SULF2: variants seen among roughly 807,000 people sequenced by gnomAD.
SULF2 encodes extracellular sulfatase Sulf-2.
In SULF2, 52 loss-of-function variants were observed where a neutral mutation model predicts 107.7. The observed-to-expected ratio is 0.48, with a 90% CI of 0.39 to 0.61. The LOEUF is 0.61. Ranked by LOEUF, SULF2 falls within the 20% of genes least tolerant of loss-of-function variation. The pLI is 0.00. For synonymous variants in SULF2, 460 were observed against 464.3 expected (o/e 0.99, Z 0.12); for missense variants, 993 against 1,177.3 (o/e 0.84, Z 2.29).
At chr20:47,674,170 T>G (rs1244662574) in intron 10 of SULF2, among the ~76,000 whole-genome samples, 2 of 152,266 alleles carry the variant, frequency 1.3e-5, no homozygotes, top group Non-Finnish European at 2.9e-5. Flanking sequence ...ATTTACTGTC[T>G]GATCTTGTGC....
chr20:47,762,938 T>C (rs2090447502), intron 1 of SULF2, among the ~76,000 whole-genome samples: 1 of 152,270 alleles, frequency 6.6e-6, no homozygotes, highest in Non-Finnish European at 1.5e-5. Flanking sequence ...GGTCGATTTC[T>C]GATGAATTCC....
At chr20:47,670,808 G>A (rs2087444909) in intron 11 of SULF2, among the ~76,000 whole-genome samples, 1 of 126,458 alleles carries the variant, frequency 7.9e-6, no homozygotes, top group African/African-American at 2.9e-5. Context: ...TTGCGTACTA[G>A]TGGGAATATA....
Position 47,702,554 on chromosome 20 carries a change from C to G in SULF2, c.532G>C (p.Gly178Arg), listed in dbSNP as rs202165167. 1.2e-6 allele frequency: 2 copies of G among 1,612,874 alleles called. No homozygotes were observed. The highest frequency in any genetic ancestry group is 1.7e-6 in the Non-Finnish European group (2 of 1,180,012). The change falls in exon 4 of 21, where the codon GGG becomes CGG. Residue 178 changes from glycine to arginine, a missense_variant. Transcript: ENST00000688720. The stretch of plus-strand genomic sequence containing the variant: ...TCGGAGCCGTGCTTCTCTTTCACCC[C>G]GTTCCGACACAGCGTGTAGTTATAA... Reference protein sequence around the residue: ...RFYNYTLCRNGVKEKHGSDYS... With the variant: ...RFYNYTLCRNRVKEKHGSDYS...
At chr20:47,761,747 A>C (rs2090423799) in intron 1 of SULF2, among the ~76,000 whole-genome samples, 1 of 152,250 alleles carries the variant, frequency 6.6e-6, no homozygotes, top group African/African-American at 2.4e-5. Context: ...TAGCCATCGA[A>C]TCAGTCCCTG....
At chr20:47,750,604 C>T (rs777287324) in intron 2 of SULF2, among the ~76,000 whole-genome samples, 2 of 152,170 alleles carry the variant, frequency 1.3e-5, no homozygotes, top group Non-Finnish European at 2.9e-5. Context: ...TAGAGGGGTC[C>T]TATGAAGACA....
intron 3 of SULF2, among the ~76,000 whole-genome samples, chr20:47,705,804 C>CTTTT (rs34029135): frequency 2.2e-5 from 3 of 137,536 alleles, no homozygotes; most frequent in Middle Eastern, 3.7e-3. Context: ...CTTTTCTTTT[C>CTTTT]TTTTTTTTTT....
chr20:47,675,928 CG>C lies in SULF2; in HGVS notation c.1380+565del, dbSNP rs200568864. On this transcript the variant is annotated intron_variant, in intron 10 of 20. Coordinates refer to ENST00000688720, the MANE Select transcript of SULF2 (RefSeq NM_001387048.1). The stretch of plus-strand genomic sequence containing the variant: ...TGTCACCCAAGCTGGAGTGCAGTGG[CG>C]CAATCATAGCTCACTGCAGCCTCCA... Among the ~76,000 whole-genome samples, 509 of 152,222 alleles carry C rather than the reference CG, an allele frequency of 3.3e-3. 5 individuals carry two copies. Among genetic ancestry groups the C allele is most frequent in the African/African-American group, 0.011 (477 of 41,524 alleles).
At position 47,666,598 on chromosome 20, in the gene SULF2, C is replaced by T. The variant is rs2087282705; in HGVS notation, c.1577-110G>A. 3 of 865,408 alleles carry T rather than the reference C, an allele frequency of 3.5e-6. No homozygotes were observed. The highest frequency in any genetic ancestry group is 3.6e-4 in the Middle Eastern group (1 of 2,808). The allele number at this position is 865,408 out of a possible 1,614,324, so 53.6% of individuals were successfully genotyped here. A position where few individuals can be genotyped will look rare whatever the true frequency, so the allele number is the denominator to read the frequency against. On this transcript the variant is annotated intron_variant, in intron 11 of 20. Transcript: ENST00000688720. The surrounding 1 kb of genome is among the most constrained non-coding windows in gnomAD (Gnocchi z 5.4). ...GGGCCGGGCTTCCAAGCATGAGGCT[C>T]AGCTTTGCCTGCGACTCGAGGGGTC...
intron 2 of SULF2, among the ~76,000 whole-genome samples, chr20:47,741,288 C>A (rs1234263375): frequency 6.7e-6 from 1 of 149,470 alleles, no homozygotes; most frequent in Non-Finnish European, 1.5e-5. Context: ...GCCACAGGGT[C>A]CCCTGCTCTG....
At chr20:47,744,574 G>A (rs549950514) in intron 2 of SULF2, among the ~76,000 whole-genome samples, 3 of 152,194 alleles carry the variant, frequency 2.0e-5, no homozygotes, top group African/African-American at 7.2e-5. Context: ...AGGGGAAGAG[G>A]GCACACAGTG....
chr20:47,752,913 C>T (rs983626552), intron 2 of SULF2, among the ~76,000 whole-genome samples: 6 of 151,976 alleles, frequency 3.9e-5, no homozygotes, highest in African/African-American at 1.4e-4. Context: ...CCAACCTGGC[C>T]AACATGGCGA....
chr20:47,702,383 G>A (rs1602682856), intron 4 of SULF2, 136 bp downstream of exon 4: 1 of 938,182 alleles, frequency 1.1e-6, no homozygotes. Flanking sequence ...CTGAGGAGGA[G>A]GTGTATGTAA....
At chr20:47,703,147 A>G (rs904452660) in intron 3 of SULF2, among the ~76,000 whole-genome samples, 3 of 151,128 alleles carry the variant, frequency 2.0e-5, no homozygotes, top group African/African-American at 7.3e-5. Context: ...CTGGTCTTGA[A>G]CTCCTGACCA....
chr20:47,719,209 C>T (rs1361162724), intron 3 of SULF2, among the ~76,000 whole-genome samples: 2 of 152,174 alleles, frequency 1.3e-5, no homozygotes, highest in South Asian at 2.1e-4. Context: ...ACTGCTTCAT[C>T]GTGCCATTTT....
Position 47,693,594 on chromosome 20 carries a change from G to A in SULF2, c.568-3299C>T, listed in dbSNP as rs527986436. On this transcript the variant is annotated intron_variant, in intron 4 of 20. Transcript: ENST00000688720. ...GATAAATCTTACAATGTTATATCGGGTGAGAAAAGCAGGTTGTGGAAGGAT... is the reference window on the plus strand; with the variant it reads ...GATAAATCTTACAATGTTATATCGGATGAGAAAAGCAGGTTGTGGAAGGAT... Among the ~76,000 whole-genome samples, 9 of 152,386 alleles carry A rather than the reference G, an allele frequency of 5.9e-5. No homozygotes were observed. In the South Asian group the frequency reaches 6.2e-4, roughly 11 times the overall value.
intron 1 of SULF2, among the ~76,000 whole-genome samples, chr20:47,760,374 G>A (rs930711320): frequency 3.3e-5 from 5 of 152,090 alleles, no homozygotes; most frequent in Non-Finnish European, 7.4e-5. Flanking sequence ...TCCCCAGGCA[G>A]TAGCCTTCGT....
chr20:47,719,785 C>T (rs1240901809), intron 3 of SULF2, among the ~76,000 whole-genome samples: 2 of 152,156 alleles, frequency 1.3e-5, no homozygotes, highest in African/African-American at 2.4e-5. Flanking sequence ...ATTCTGCCAC[C>T]GTAGAGCCAA....
intron 4 of SULF2, among the ~76,000 whole-genome samples, chr20:47,700,428 C>T (rs1183177837): frequency 6.6e-6 from 1 of 152,176 alleles, no homozygotes; most frequent in African/African-American, 2.4e-5. Context: ...TAAGCTACTA[C>T]ATACTGAGTA....
intron 1 of SULF2, among the ~76,000 whole-genome samples, chr20:47,757,870 C>T (rs1254614257): frequency 3.9e-5 from 6 of 152,070 alleles, no homozygotes; most frequent in Non-Finnish European, 1.5e-5. Flanking sequence ...TCTGCCCGCA[C>T]CGTGGGGTAC....
Sources: gnomAD v4.1 joint callset for allele counts (sites outside exome capture counted in the v4.1 genomes callset) on GRCh38, gnomAD v4.1.1 for gene constraint, Gnocchi (gnomAD v3.1) non-coding constraint, MANE v1.5 for transcripts, NCBI Gene and HGNC (gene_info 2026-07-23, HGNC 2026-07-21) for gene names.